Variants in RTEL1 observed in about 807,000 individuals in gnomAD.
RTEL1 encodes regulator of telomere length.
Under a neutral mutation model 162.2 loss-of-function variants are expected in RTEL1, and 86 were observed. The observed-to-expected ratio is 0.53, with a 90% CI of 0.45 to 0.63. The LOEUF (loss-of-function observed/expected upper bound fraction) is 0.63. Ranked by LOEUF, RTEL1 falls within the 30% of genes least tolerant of loss-of-function variation. The pLI, the probability that RTEL1 is intolerant of heterozygous loss-of-function variation, is 0.00. For synonymous variants in RTEL1, 958 were observed against 717.9 expected (o/e 1.33, Z -5.35); for missense variants, 1,941 against 1,750.2 (o/e 1.11, Z -1.95).
At position 63,684,446 on chromosome 20, in the gene RTEL1, C is replaced by T. The variant is rs551609398; in HGVS notation, c.1192-1077C>T. ...TCGGCTCACTGCAAGCTCCGCCTCC[C>T]GGGTTCACGCCATTCTCCTGCCTCA... On this transcript the variant is annotated intron_variant, in intron 14 of 34. Coordinates refer to ENST00000360203, the MANE Select transcript of RTEL1 (RefSeq NM_001283009.2). Among the ~76,000 whole-genome samples, 423 of 151,748 alleles carry T rather than the reference C, an allele frequency of 2.8e-3. 4 individuals carry two copies. The highest frequency in any genetic ancestry group is 9.7e-3 in the African/African-American group (400 of 41,378).
chr20:63,658,967 T>G (rs1351990164), intron 1 of RTEL1, among the ~76,000 whole-genome samples: 1 of 152,208 alleles, frequency 6.6e-6, no homozygotes, highest in African/African-American at 2.4e-5. Context: ...TCTTCAGCCC[T>G]CACGCTCTTG....
At position 63,690,380 on chromosome 20, in the gene RTEL1, C is replaced by T. The variant is rs140564753; in HGVS notation, c.2352C>T (p.Phe784=). The T allele has an allele frequency of 1.8e-4, 288 of 1,611,608 alleles. 1 individual carries two copies. The highest frequency in any genetic ancestry group is 3.1e-5 in the Non-Finnish European group (36 of 1,179,378). ...VSEAKSPGPF[F]STRKAKSLDL... ...AGGCCAAGTCGCCTGGCCCCTTCTT[C>T]TCCACCAGGAAAGCTAAGAGTCTGG... The change falls in exon 26 of 35, where the codon TTC becomes TTT. Residue 784 remains phenylalanine, a synonymous_variant. Transcript: ENST00000360203.
intron 10 of RTEL1, among the ~76,000 whole-genome samples, chr20:63,677,135 G>T (rs1203887498): frequency 2.0e-5 from 3 of 152,106 alleles, no homozygotes; most frequent in African/African-American, 7.2e-5. Context: ...TCACACTCAT[G>T]TCCTGCTCCA....
At chr20:63,677,701 G>C (rs1422559111) in intron 10 of RTEL1, among the ~76,000 whole-genome samples, 2 of 152,090 alleles carry the variant, frequency 1.3e-5, no homozygotes, top group Non-Finnish European at 2.9e-5. Flanking sequence ...TCCTTCGCCT[G>C]TTGGTGGATT....
At chr20:63,681,704 A>C (rs2090480764) in intron 14 of RTEL1, 1 of 985,114 alleles carries the variant, frequency 1.0e-6, no homozygotes, top group Non-Finnish European at 1.2e-6. Context: ...GGCAGGGACC[A>C]GGTGGGGTGG....
Position 63,690,656 on chromosome 20 carries a change from G to A in RTEL1, c.2414-149G>A, listed in dbSNP as rs866065675. Reference sequence around the variant, plus strand: ...AACGCCCCAGGCAAGGATGCCCCCCGAGGCTGAGACTCCCCCCAATAGCAG... The same window carrying A: ...AACGCCCCAGGCAAGGATGCCCCCCAAGGCTGAGACTCCCCCCAATAGCAG... On this transcript the variant is annotated intron_variant, in intron 26 of 34. Coordinates refer to ENST00000360203, the MANE Select transcript of RTEL1 (RefSeq NM_001283009.2). 1.3e-4 allele frequency: 132 copies of A among 1,045,474 alleles called. No individual in the cohort carries two copies. In the African/African-American group the frequency reaches 1.3e-3, roughly 11 times the overall value. 64.8% of individuals were successfully genotyped at this position (1,045,474 alleles called of 1,614,324 possible).
chr20:63,694,104 C>T (rs1367776567), intron 30 of RTEL1, among the ~76,000 whole-genome samples: 1 of 152,118 alleles, frequency 6.6e-6, no homozygotes, highest in Admixed American at 6.5e-5. Flanking sequence ...GGGCTTGGTA[C>T]TCACTGGGAT....
intron 10 of RTEL1, among the ~76,000 whole-genome samples, chr20:63,677,507 C>T (rs939317661): frequency 6.6e-6 from 1 of 152,100 alleles, no homozygotes; most frequent in Non-Finnish European, 1.5e-5. Context: ...CCCAGCTAGT[C>T]GGGAGACAGA....
intron 2 of RTEL1, 123 bp downstream of exon 2, chr20:63,659,627 A>G: frequency 2.7e-6 from 2 of 747,370 alleles, no homozygotes; most frequent in South Asian, 1.5e-5. Context: ...CGTCTGTCAT[A>G]AAAAGGGCTG....
At chr20:63,693,068 C>G (rs900333310) in intron 29 of RTEL1, 65 bp downstream of exon 29, 17 of 1,609,268 alleles carry the variant, frequency 1.1e-5, no homozygotes, top group African/African-American at 2.7e-5. Flanking sequence ...GGGGTGGGGG[C>G]CATCTGGGTC....
intron 30 of RTEL1, 101 bp downstream of exon 30, chr20:63,693,384 G>GC: frequency 1.4e-6 from 2 of 1,431,352 alleles, no homozygotes; most frequent in Non-Finnish European, 1.9e-6. Flanking sequence ...GCCCTGCTTG[G>GC]CCCCGCCTCT....
intron 16 of RTEL1, 97 bp from the exon 17 acceptor site, chr20:63,687,541 G>T: frequency 7.4e-7 from 1 of 1,352,276 alleles, no homozygotes; most frequent in Non-Finnish European, 9.9e-7. Context: ...CTTGCTTGAT[G>T]CCAGTGGGTG....
chr20:63,666,531 A>G (rs2090131450), intron 7 of RTEL1, among the ~76,000 whole-genome samples: 1 of 152,100 alleles, frequency 6.6e-6, no homozygotes, highest in Non-Finnish European at 1.5e-5. Context: ...ATTGAGGGGG[A>G]AACCTCCCTC....
chr20:63,686,432 G>A (rs572034015), intron 16 of RTEL1: 221 of 157,370 alleles, frequency 1.4e-3, no homozygotes, highest in Middle Eastern at 0.013. Flanking sequence ...GGAGCCCTGT[G>A]GTTCTTGGGG....
chr20:63,673,126 G>A (rs2090279426), intron 9 of RTEL1, among the ~76,000 whole-genome samples: 1 of 151,868 alleles, frequency 6.6e-6, no homozygotes, highest in Non-Finnish European at 1.5e-5. Context: ...GGGCGCGCTA[G>A]CTCATGCCTA....
Position 63,661,745 on chromosome 20 carries a change from T to C in RTEL1, c.302-105T>C, listed in dbSNP as rs2090024658. 1 of 1,072,014 alleles carries C rather than the reference T, an allele frequency of 9.3e-7. No individual in the cohort carries two copies. The highest frequency in any genetic ancestry group is 1.4e-6 in the Non-Finnish European group (1 of 702,316). The allele number at this position is 1,072,014 out of a possible 1,614,324, so 66.4% of individuals were successfully genotyped here. On this transcript the variant is annotated intron_variant, in intron 3 of 34. Coordinates refer to ENST00000360203, the MANE Select transcript of RTEL1 (RefSeq NM_001283009.2). The surrounding 1 kb of genome is among the most constrained non-coding windows in gnomAD (Gnocchi z 5.1). ...ATAAACCAGTATCTGGGGTGTCAGA[T>C]TCTTGGCTGTCTGCAGGGCCGAGTT...
intron 6 of RTEL1, chr20:63,665,080 CTG>C (rs1212192039): frequency 6.4e-6 from 1 of 155,562 alleles, no homozygotes; most frequent in Non-Finnish European, 1.4e-5. Context: ...CTGGGAGTAT[CTG>C]GGGTTGGGTC....
At chr20:63,680,333 C>T (rs977928544) in intron 13 of RTEL1, among the ~76,000 whole-genome samples, 1 of 152,222 alleles carries the variant, frequency 6.6e-6, no homozygotes, top group Non-Finnish European at 1.5e-5. Flanking sequence ...TTTGAGACGC[C>T]GGGCCCAGCG....
intron 28 of RTEL1, chr20:63,692,142 A>T (rs994006346): frequency 5.9e-6 from 2 of 341,780 alleles, no homozygotes; most frequent in African/African-American, 4.3e-5. Context: ...CATGTGAGGG[A>T]CACAGCCCAT....
Sources: gnomAD v4.1 joint callset for allele counts (sites outside exome capture counted in the v4.1 genomes callset) on GRCh38, gnomAD v4.1.1 for gene constraint, Gnocchi (gnomAD v3.1) non-coding constraint, MANE v1.5 for transcripts, NCBI Gene and HGNC (gene_info 2026-07-23, HGNC 2026-07-21) for gene names.